Variants in PLXNA4 observed in about 807,000 individuals in gnomAD.
PLXNA4 encodes the protein plexin A4.
In PLXNA4, 44 loss-of-function variants were observed where a neutral mutation model predicts 191.8. The ratio of observed to expected loss-of-function variants is 0.23; its 90% confidence interval spans 0.18 to 0.29. The LOEUF (loss-of-function observed/expected upper bound fraction) is 0.29. Ranked by LOEUF, PLXNA4 falls within the 10% of genes least tolerant of loss-of-function variation. The probability of loss-of-function intolerance (pLI) is 1.00; values close to 1 mark genes in which losing one functional copy is unlikely to be tolerated. For missense variants in PLXNA4, 1,800 were observed against 2,488.8 expected, an observed-to-expected ratio of 0.72 and a Z score of 5.89; for synonymous variants, 1,082 against 1,009.5, an observed-to-expected ratio of 1.07 and a Z score of -1.36.
chr7:132,419,865 T>C (rs1418685046), intron 3 of PLXNA4, among the ~76,000 whole-genome samples: 1 of 152,220 alleles, frequency 6.6e-6, no homozygotes, highest in Non-Finnish European at 1.5e-5. Context: ...TTTACTTATG[T>C]ACAGTAAAAT....
chr7:132,189,002 G>GGAGAGGAAAGGAAA (rs1562908904), intron 14 of PLXNA4, among the ~76,000 whole-genome samples: 20 of 44,946 alleles, frequency 4.4e-4, no homozygotes, highest in East Asian at 3.3e-3. Context: ...AGGAGAGAGA[G>GGAGAGGAAAGGAAA]AGAGAGAGAG....
chr7:132,210,155 C>A (rs542053022), intron 10 of PLXNA4, among the ~76,000 whole-genome samples: 18 of 152,302 alleles, frequency 1.2e-4, no homozygotes, highest in Middle Eastern at 3.4e-3. Context: ...TGTTCTGAAT[C>A]TATGTGTCTA....
At chr7:132,190,145 T>C (rs936698757) in intron 14 of PLXNA4, among the ~76,000 whole-genome samples, 1 of 152,226 alleles carries the variant, frequency 6.6e-6, no homozygotes, top group Non-Finnish European at 1.5e-5. Context: ...GCACTAGACC[T>C]TATGCTGGGA....
rs892070053 is a variant in PLXNA4, at chr7:132,341,632, C to T, written c.1372-43410G>A. On this transcript the variant is annotated intron_variant, in intron 3 of 31. Coordinates refer to ENST00000321063, the MANE Select transcript of PLXNA4 (RefSeq NM_020911.2). Reference sequence around the variant, plus strand: ...CCTGGGCTGATGTGGTCTCTCTTGCCTGGGAGGTAGCTATTTGGCCCCAGC... The same window carrying T: ...CCTGGGCTGATGTGGTCTCTCTTGCTTGGGAGGTAGCTATTTGGCCCCAGC... Among the ~76,000 whole-genome samples the T allele has an allele frequency of 2.0e-5, 3 of 152,108 alleles. No individual in the cohort carries two copies. The South Asian group carries it at 6.2e-4, about 32-fold the overall frequency.
chr7:132,268,871 G>A (rs1799954533), intron 4 of PLXNA4, among the ~76,000 whole-genome samples: 1 of 152,152 alleles, frequency 6.6e-6, no homozygotes, highest in Admixed American at 6.5e-5. Flanking sequence ...CTTTTCCTGA[G>A]TCCCACTTAT....
chr7:132,388,494 T>C (rs1195633884), intron 3 of PLXNA4, among the ~76,000 whole-genome samples: 3 of 152,272 alleles, frequency 2.0e-5, no homozygotes, highest in South Asian at 2.1e-4. Context: ...TTGTACTTAT[T>C]ATTGTATTGT....
chr7:132,564,169 CTCT>C (rs1801591004), intron 1 of PLXNA4, among the ~76,000 whole-genome samples: 1 of 134,706 alleles, frequency 7.4e-6, no homozygotes, highest in Admixed American at 7.5e-5. Flanking sequence ...CCTCCTTCTC[CTCT>C]TCCTCCTGCC....
intron 3 of PLXNA4, among the ~76,000 whole-genome samples, chr7:132,368,131 C>T (rs1263139867): frequency 6.6e-6 from 1 of 152,048 alleles, no homozygotes; most frequent in Non-Finnish European, 1.5e-5. Flanking sequence ...ATGGGCTGGA[C>T]AGCAGGGTGT....
At chr7:132,443,187 G>A (rs923233557) in intron 3 of PLXNA4, among the ~76,000 whole-genome samples, 23 of 152,308 alleles carry the variant, frequency 1.5e-4, no homozygotes, top group African/African-American at 4.8e-4. Context: ...ACTGAGGGAT[G>A]TTCCTTTGCT....
intron 30 of PLXNA4, among the ~76,000 whole-genome samples, chr7:132,136,605 C>A (rs1795120480): frequency 6.6e-6 from 1 of 152,130 alleles, no homozygotes; most frequent in Non-Finnish European, 1.5e-5. Flanking sequence ...CACTGTTGGC[C>A]AGTCTGCAGG....
chr7:132,443,101 C>G (rs1000813391), intron 3 of PLXNA4, among the ~76,000 whole-genome samples: 2 of 152,208 alleles, frequency 1.3e-5, no homozygotes, highest in African/African-American at 4.8e-5. Context: ...TCAGACCTCT[C>G]CATGCTTTTC....
chr7:132,576,908 A>C (rs1020144282), upstream of PLXNA4: 1 of 149,186 alleles, frequency 6.7e-6, no homozygotes, highest in African/African-American at 2.4e-5. The surrounding 1 kb of genome is among the most constrained non-coding windows in gnomAD (Gnocchi z 5.8). Flanking sequence ...GGGCGCGGCG[A>C]GTGCGCGGGG....
At chr7:132,190,976 C>T (rs1010312222) in intron 14 of PLXNA4, among the ~76,000 whole-genome samples, 1 of 152,178 alleles carries the variant, frequency 6.6e-6, no homozygotes. Flanking sequence ...CCTCTGCATT[C>T]GCAGACTGAG....
intron 1 of PLXNA4, among the ~76,000 whole-genome samples, chr7:132,575,036 T>C (rs1458641591): frequency 6.6e-6 from 1 of 152,208 alleles, no homozygotes; most frequent in Non-Finnish European, 1.5e-5. Flanking sequence ...GATATGATCA[T>C]GTTGCCTAGA....
At chr7:132,469,850 G>C (rs1309670446) in intron 3 of PLXNA4, among the ~76,000 whole-genome samples, 1 of 152,226 alleles carries the variant, frequency 6.6e-6, no homozygotes, top group Non-Finnish European at 1.5e-5. Context: ...GAGGAAAACA[G>C]AAACAAAACA....
Position 132,180,646 on chromosome 7 carries a change from G to A in PLXNA4, c.3579C>T (p.Thr1193=), listed in dbSNP as rs199519035. Reference sequence around the variant, plus strand: ...CGCAGAGCAGCTGGACATCTGACACGGTCACGGTGCACGGCTTCTCCCCAA... The same window carrying A: ...CGCAGAGCAGCTGGACATCTGACACAGTCACGGTGCACGGCTTCTCCCCAA... The part of the protein sequence containing the change: ...VLVGEKPCTV[T]VSDVQLLCES... The change falls in exon 19 of 32, where the codon ACC becomes ACT. Residue 1193 remains threonine (T), a synonymous_variant. Coordinates refer to ENST00000321063, the MANE Select transcript of PLXNA4 (RefSeq NM_020911.2). 266 of 1,614,148 alleles carry A rather than the reference G, an allele frequency of 1.6e-4. No homozygotes were observed. In the East Asian group the frequency reaches 2.4e-3, roughly 15 times the overall value.
At chr7:132,241,219 A>G in intron 4 of PLXNA4, 53 bp from the exon 5 acceptor site, 4 of 1,273,544 alleles carry the variant, frequency 3.1e-6, no homozygotes, top group Non-Finnish European at 4.5e-6. Flanking sequence ...AACACCCAGC[A>G]GTGTACCAGA....
intron 2 of PLXNA4, among the ~76,000 whole-genome samples, chr7:132,499,373 C>A (rs921961173): frequency 3.3e-5 from 5 of 152,236 alleles, no homozygotes; most frequent in Non-Finnish European, 5.9e-5. Context: ...GGTTTAGCAA[C>A]CAACACCAGA....
chr7:132,228,799 C>T (rs1284930632), intron 5 of PLXNA4, among the ~76,000 whole-genome samples: 1 of 152,222 alleles, frequency 6.6e-6, no homozygotes, highest in East Asian at 1.9e-4. Context: ...TTCTCTTCTC[C>T]TCCTTAGGCA....
Sources: allele counts gnomAD v4.1 joint callset (sites outside exome capture counted in the v4.1 genomes callset), GRCh38; gene constraint gnomAD v4.1.1; non-coding constraint Gnocchi (gnomAD v3.1); transcripts MANE v1.5; gene names NCBI Gene and HGNC (gene_info 2026-07-23, HGNC 2026-07-21).